The following LINGO2 variants were observed in gnomAD, a reference collection of about 807,000 sequenced individuals.
The protein encoded by LINGO2 is leucine-rich repeat and immunoglobulin-like domain-containing nogo receptor-interacting protein 2.
LINGO2 carries 14 observed loss-of-function variants against 30.6 expected under a neutral mutation model. That is an observed-to-expected ratio of 0.46 (90% CI 0.30 to 0.72). The LOEUF (loss-of-function observed/expected upper bound fraction) is 0.72, where lower values mean the gene tolerates loss of function less well. LINGO2 is among the 30% of genes least tolerant of loss of function. The pLI is 0.07. For missense variants in LINGO2, 729 were observed against 751.7 expected (o/e 0.97, Z 0.35); for synonymous variants, 317 against 288.5 (o/e 1.10, Z -1.00).
At chr9:28,780,580 C>T in the LINGO2 span, among the ~76,000 whole-genome samples, 1 of 152,060 alleles carries the variant, frequency 6.6e-6, no homozygotes, top group African/African-American at 2.4e-5. Context: ...CTTTCTTCTC[C>T]AGATCCATCA....
At chr9:28,790,551 G>C in the LINGO2 span, among the ~76,000 whole-genome samples, 1 of 150,652 alleles carries the variant, frequency 6.6e-6, no homozygotes. Flanking sequence ...AGCCAGGATG[G>C]TCTTGATCTC....
In LINGO2 at chr9:28,258,427, G is replaced by A. The variant is rs10968419; in HGVS notation, c.-87+36781C>T. ...TACAAGTCATATAAAATTAAATTAT[G>A]CACTTAATTGTCAATATAAACATAT... On this transcript the variant is annotated intron_variant, in intron 4 of 5. Transcript: ENST00000379992. Among the ~76,000 whole-genome samples the A allele has an allele frequency of 0.015, 2,314 of 151,848 alleles. 129 individuals carry two copies. In the East Asian group the frequency reaches 0.18, roughly 12 times the overall value.
Position 28,500,836 on chromosome 9 carries a change from T to C in LINGO2, c.-364-24811A>G, listed in dbSNP as rs546759804. Among the ~76,000 whole-genome samples, 42 of 152,226 alleles carry C rather than the reference T, an allele frequency of 2.8e-4. 1 individual carries two copies. Among genetic ancestry groups the C allele is most frequent in the African/African-American group, 9.6e-4 (40 of 41,558 alleles). On this transcript the variant is annotated intron_variant, in intron 1 of 5. Transcript: ENST00000379992. Reference sequence around the variant, plus strand: ...AAGAAAAGTAAAAAATGAGGCTGTATTTCCAAAGTCAAATTACAAAAAGCT... The same window carrying C: ...AAGAAAAGTAAAAAATGAGGCTGTACTTCCAAAGTCAAATTACAAAAAGCT...
the LINGO2 span, among the ~76,000 whole-genome samples, chr9:28,684,398 C>T: frequency 6.6e-6 from 1 of 151,048 alleles, no homozygotes; most frequent in African/African-American, 2.4e-5. Context: ...ACCGTGTTAG[C>T]CAGGATGGTC....
chr9:28,308,974 A>C (rs1422229353), intron 3 of LINGO2, among the ~76,000 whole-genome samples: 1 of 152,116 alleles, frequency 6.6e-6, no homozygotes, highest in Non-Finnish European at 1.5e-5. Flanking sequence ...ACACTTTTAC[A>C]CTGTTGGTGG....
chr9:28,766,827 A>AGG, the LINGO2 span, among the ~76,000 whole-genome samples: 4 of 51,060 alleles, frequency 7.8e-5, no homozygotes, highest in Non-Finnish European at 1.3e-4. Flanking sequence ...AGAGAGAGAG[A>AGG]GAAGGAGAGA....
chr9:28,797,349 TATATATATATAGAG>T, the LINGO2 span, among the ~76,000 whole-genome samples: 10 of 64,508 alleles, frequency 1.6e-4, no homozygotes, highest in African/African-American at 5.3e-4. Flanking sequence ...TATATATATA[TATATATATATAGAG>T]AGAGAGAGAG....
At chr9:28,672,936 T>G (rs1031219331), upstream of LINGO2, among the ~76,000 whole-genome samples, 1 of 152,114 alleles carries the variant, frequency 6.6e-6, no homozygotes, top group African/African-American at 2.4e-5. Flanking sequence ...AAATAAGTTA[T>G]GTTGGTGAAG....
intron 4 of LINGO2, among the ~76,000 whole-genome samples, chr9:28,046,942 T>G (rs1358118936): frequency 6.6e-6 from 1 of 152,200 alleles, no homozygotes; most frequent in East Asian, 1.9e-4. Flanking sequence ...GTATGTGATT[T>G]GAGAAGTTGT....
At chr9:28,610,132 T>A (rs909869012) in intron 1 of LINGO2, among the ~76,000 whole-genome samples, 1 of 152,154 alleles carries the variant, frequency 6.6e-6, no homozygotes, top group African/African-American at 2.4e-5. Flanking sequence ...CTCCAATAGT[T>A]TGAATTTTTT....
intron 2 of LINGO2, among the ~76,000 whole-genome samples, chr9:28,390,054 T>C (rs879482026): frequency 1.3e-5 from 2 of 152,180 alleles, no homozygotes; most frequent in Non-Finnish European, 2.9e-5. Flanking sequence ...GTGTCTACTA[T>C]CTGCCAGACA....
chr9:28,034,340 C>CT (rs1823829141), intron 4 of LINGO2, among the ~76,000 whole-genome samples: 1 of 152,172 alleles, frequency 6.6e-6, no homozygotes, highest in South Asian at 2.1e-4. Flanking sequence ...ATCTTGTTCC[C>CT]TCTTAGAATG....
chr9:28,059,389 G>A (rs970299708), intron 4 of LINGO2, among the ~76,000 whole-genome samples: 6 of 151,928 alleles, frequency 3.9e-5, no homozygotes, highest in African/African-American at 7.3e-5. Flanking sequence ...TTTGTTTCTC[G>A]AACTGTCTTT....
intron 1 of LINGO2, among the ~76,000 whole-genome samples, chr9:28,505,163 A>G (rs931087943): frequency 2.0e-5 from 3 of 151,976 alleles, no homozygotes; most frequent in African/African-American, 7.2e-5. Context: ...GGCCATACCT[A>G]TTGAACAAAT....
chr9:29,024,242 T>C, the LINGO2 span, among the ~76,000 whole-genome samples: 1 of 152,104 alleles, frequency 6.6e-6, no homozygotes, highest in Admixed American at 6.6e-5. Flanking sequence ...TCAAGTGACA[T>C]GCATGATTCC....
At chr9:28,104,715 G>T (rs1826530522) in intron 4 of LINGO2, among the ~76,000 whole-genome samples, 1 of 151,634 alleles carries the variant, frequency 6.6e-6, no homozygotes, top group Non-Finnish European at 1.5e-5. Context: ...TCTCAAATTT[G>T]CCATAATTTA....
intron 4 of LINGO2, among the ~76,000 whole-genome samples, chr9:28,214,101 T>C (rs1273434308): frequency 2.0e-5 from 3 of 151,576 alleles, no homozygotes; most frequent in Non-Finnish European, 3.0e-5. Flanking sequence ...GAGGATACAA[T>C]TTTAATATTG....
chr9:28,786,584 A>T, the LINGO2 span, among the ~76,000 whole-genome samples: 2 of 152,150 alleles, frequency 1.3e-5, no homozygotes, highest in Non-Finnish European at 2.9e-5. Context: ...TACCAATAAG[A>T]GAGCCTGAGG....
At chr9:28,187,996 T>C (rs896033797) in intron 4 of LINGO2, among the ~76,000 whole-genome samples, 5 of 152,222 alleles carry the variant, frequency 3.3e-5, no homozygotes, top group Non-Finnish European at 7.3e-5. Context: ...TCATAGCTCC[T>C]GGTCTCAGCT....
Sources: allele counts gnomAD v4.1 joint callset (sites outside exome capture counted in the v4.1 genomes callset), GRCh38; gene constraint gnomAD v4.1.1; transcripts MANE v1.5; gene names NCBI Gene and HGNC (gene_info 2026-07-23, HGNC 2026-07-21).